SLC7A1: variants seen among roughly 807,000 people sequenced by gnomAD.
SLC7A1 encodes the protein solute carrier family 7 member 1.
In SLC7A1, 10 loss-of-function variants were observed where a neutral mutation model predicts 53.9. That is an observed-to-expected ratio of 0.19 (90% CI 0.11 to 0.31). The LOEUF is 0.31. Among genes scored for constraint, SLC7A1 ranks in the 10% least tolerant of loss-of-function variants. The pLI, the probability that SLC7A1 is intolerant of heterozygous loss-of-function variation, is 1.00. For missense variants in SLC7A1, 525 were observed against 827.2 expected (o/e 0.63, Z 4.48); for synonymous variants, 342 against 338.7 (o/e 1.01, Z -0.11).
intron 1 of SLC7A1, among the ~76,000 whole-genome samples, chr13:29,594,358 G>A (rs1374504184): frequency 6.6e-6 from 1 of 152,238 alleles, no homozygotes; most frequent in African/African-American, 2.4e-5. Flanking sequence ...AGGGCATGGC[G>A]GTGATGACGT....
intron 10 of SLC7A1, 46 bp from the exon 11 acceptor site, chr13:29,517,356 C>T (rs750237829): frequency 6.4e-7 from 1 of 1,562,610 alleles, no homozygotes. Context: ...AACCATTTCC[C>T]AATTTCCCAC....
intron 5 of SLC7A1, among the ~76,000 whole-genome samples, chr13:29,527,343 C>CA (rs1383245255): frequency 5.9e-5 from 9 of 152,030 alleles, no homozygotes; most frequent in Non-Finnish European, 1.2e-4. Flanking sequence ...AGTATTTTAC[C>CA]AACTCAAAAA....
chr13:29,511,676 G>C lies in SLC7A1; in HGVS notation c.*2804C>G, dbSNP rs1041452449. On this transcript the variant is annotated 3_prime_UTR_variant, in exon 13 of 13. Coordinates refer to ENST00000380752, the MANE Select transcript of SLC7A1 (RefSeq NM_003045.5). ...CTCTTCAGCAGAGGTCCTGAGGCAG[G>C]GGGGTGGAGATCTGCTGGGTTTGCT... The C allele has an allele frequency of 5.3e-5, 8 of 152,244 alleles. No individual in the cohort carries two copies. The highest frequency in any genetic ancestry group is 1.2e-4 in the African/African-American group (5 of 41,442). The allele number at this position is 152,244 out of a possible 1,614,324, so 9.4% of individuals were successfully genotyped here.
intron 1 of SLC7A1, among the ~76,000 whole-genome samples, chr13:29,593,248 A>G (rs1176409850): frequency 6.6e-6 from 1 of 152,192 alleles, no homozygotes. Context: ...TTGGAGTCAT[A>G]TTTGACCTTT....
chr13:29,524,105 C>G lies in SLC7A1; in HGVS notation c.826+27G>C, dbSNP rs368599427. 5.0e-6 allele frequency: 8 copies of G among 1,611,552 alleles called. No homozygotes were observed. In the South Asian group the frequency reaches 8.8e-5, roughly 18 times the overall value. On this transcript the variant is annotated intron_variant, in intron 6 of 12. Transcript: ENST00000380752. ...TGTTTGCCCAGGGTGCAGGAGGACC[C>G]GGGACCGCAGTGGCTGGCGGACATA...
intron 1 of SLC7A1, among the ~76,000 whole-genome samples, chr13:29,582,467 A>C (rs1871689501): frequency 6.6e-6 from 1 of 152,232 alleles, no homozygotes; most frequent in Non-Finnish European, 1.5e-5. Flanking sequence ...AGTTCAGTTG[A>C]AAAGATCATT....
chr13:29,581,642 G>A (rs1871651986), intron 1 of SLC7A1, among the ~76,000 whole-genome samples: 2 of 152,312 alleles, frequency 1.3e-5, no homozygotes, highest in Middle Eastern at 3.4e-3. Context: ...GGTCTTACGG[G>A]CAAGGGTCCC....
At chr13:29,519,372 A>G in intron 9 of SLC7A1, 75 bp downstream of exon 9, 1 of 866,254 alleles carries the variant, frequency 1.2e-6, no homozygotes, top group Non-Finnish European at 1.9e-6. Context: ...CATCACATAA[A>G]CCATAGCTGA....
chr13:29,528,021 T>C (rs1014507073), intron 5 of SLC7A1, among the ~76,000 whole-genome samples: 1 of 152,198 alleles, frequency 6.6e-6, no homozygotes, highest in Non-Finnish European at 1.5e-5. Flanking sequence ...CTGAGAAATG[T>C]CCAGGAGACG....
At chr13:29,588,654 C>A (rs1033813416) in intron 1 of SLC7A1, among the ~76,000 whole-genome samples, 1 of 151,972 alleles carries the variant, frequency 6.6e-6, no homozygotes, top group African/African-American at 2.4e-5. Context: ...TAGGCATGCG[C>A]CACCAACACC....
chr13:29,537,162 G>C (rs967906379), intron 2 of SLC7A1, among the ~76,000 whole-genome samples: 3 of 152,240 alleles, frequency 2.0e-5, no homozygotes, highest in African/African-American at 7.2e-5. Context: ...ATAGAGTCCA[G>C]GATGGAAGGG....
chr13:29,534,973 A>C (rs1375644691), intron 3 of SLC7A1, among the ~76,000 whole-genome samples: 5 of 152,214 alleles, frequency 3.3e-5, no homozygotes. Context: ...AAGATTTTCT[A>C]CATTTGCTTC....
chr13:29,562,433 T>C (rs1197257413), intron 1 of SLC7A1, among the ~76,000 whole-genome samples: 2 of 152,228 alleles, frequency 1.3e-5, no homozygotes, highest in Non-Finnish European at 2.9e-5. Flanking sequence ...ACCAACATGA[T>C]GCTCAAAGGA....
At chr13:29,563,152 G>A (rs960412658) in intron 1 of SLC7A1, among the ~76,000 whole-genome samples, 6 of 152,228 alleles carry the variant, frequency 3.9e-5, no homozygotes, top group Non-Finnish European at 5.9e-5. Flanking sequence ...CTCTGTCCCT[G>A]AAGGACATCT....
At position 29,512,093 on chromosome 13, in the gene SLC7A1, CAGAG is replaced by C. The variant is rs940246130; in HGVS notation, c.*2383_*2386del. 4 of 152,168 alleles carry C rather than the reference CAGAG, an allele frequency of 2.6e-5. No individual in the cohort carries two copies. Among genetic ancestry groups the C allele is most frequent in the Non-Finnish European group, 5.9e-5 (4 of 68,036 alleles). The allele number at this position is 152,168 out of a possible 1,614,324, so 9.4% of individuals were successfully genotyped here. ...TTGCTTAAATCACTCCCCTCTCACA[CAGAG>C]AGAAAACCCCTGGCAAGTGCACAAA... On this transcript the variant is annotated 3_prime_UTR_variant, in exon 13 of 13. Transcript: ENST00000380752.
chr13:29,517,043 C>T (rs1270010680), intron 11 of SLC7A1, 101 bp downstream of exon 11: 7 of 1,189,610 alleles, frequency 5.9e-6, no homozygotes, highest in East Asian at 5.2e-5. Context: ...AAACCTTCCT[C>T]GGGAGCACCC....
At chr13:29,561,962 T>TA (rs1426336159) in intron 1 of SLC7A1, among the ~76,000 whole-genome samples, 1 of 152,194 alleles carries the variant, frequency 6.6e-6, no homozygotes, top group East Asian at 1.9e-4. Flanking sequence ...GTCCAAATCT[T>TA]AGATTTATCC....
intron 3 of SLC7A1, among the ~76,000 whole-genome samples, chr13:29,535,532 TGAGA>T (rs1869369247): frequency 6.6e-6 from 1 of 152,224 alleles, no homozygotes; most frequent in Admixed American, 6.5e-5. Context: ...AATGAATGAA[TGAGA>T]GAATTAGTTT....
rs762567418 is a variant in SLC7A1 at position 29,519,567 on chromosome 13, C to G, written c.1190-18G>C. On this transcript the variant is annotated intron_variant, in intron 8 of 12. Transcript: ENST00000380752. ...CATCACAGCTGGGAAGAGACAGACA[C>G]CAGGATCTGTGGAGGGCCATCTGCA... 8 of 1,525,722 alleles carry G rather than the reference C, an allele frequency of 5.2e-6. No individual in the cohort carries two copies. The highest frequency in any genetic ancestry group is 1.8e-6 in the Non-Finnish European group (2 of 1,101,900). The allele number at this position is 1,525,722 out of a possible 1,614,324, so 94.5% of individuals were successfully genotyped here. A position where few individuals can be genotyped will look rare whatever the true frequency, so the allele number is the denominator to read the frequency against.
Sources: gnomAD v4.1 joint callset for allele counts (sites outside exome capture counted in the v4.1 genomes callset) on GRCh38, gnomAD v4.1.1 for gene constraint, MANE v1.5 for transcripts, NCBI Gene and HGNC (gene_info 2026-07-23, HGNC 2026-07-21) for gene names.